DNAH6: variants seen among roughly 807,000 people sequenced by gnomAD.
DNAH6 encodes axonemal beta dynein heavy chain 6.
Under a neutral mutation model 491.4 loss-of-function variants are expected in DNAH6, and 340 were observed. The observed-to-expected ratio is 0.69, with a 90% CI of 0.63 to 0.76. The LOEUF is 0.76. Among genes scored for constraint, DNAH6 ranks in the 30% least tolerant of loss-of-function variants. DNAH6 has a pLI of 0.00. For missense variants in DNAH6, 4,443 were observed against 4,972.2 expected (o/e 0.89, Z 3.20); for synonymous variants, 1,603 against 1,686.1 (o/e 0.95, Z 1.21).
intron 65 of DNAH6, among the ~76,000 whole-genome samples, chr2:84,783,073 A>T (rs993148189): frequency 2.0e-5 from 3 of 152,192 alleles, no homozygotes; most frequent in African/African-American, 7.2e-5. Context: ...CTGATGTTTA[A>T]CTTGAACCAG....
In DNAH6 at chr2:84,607,009, A is replaced by G. The variant is rs532782813; in HGVS notation, c.3208A>G (p.Thr1070Ala). ...TGATGATAGCACCATCAATGTTGCA[A>G]CTCTTGCCTCATCACGTTACCTTGG... ...LLDDSTINVATLASSRYLGPL... is the reference protein window; with the variant it reads ...LLDDSTINVAALASSRYLGPL... The change falls in exon 21 of 77, where the codon ACT becomes GCT. Residue 1070 changes from threonine to alanine, a missense_variant. Coordinates refer to ENST00000389394, the MANE Select transcript of DNAH6 (RefSeq NM_001370.2). 2.7e-5 allele frequency: 42 copies of G among 1,551,196 alleles called. No homozygotes were observed. The highest frequency in any genetic ancestry group is 3.6e-5 in the Non-Finnish European group (41 of 1,146,786).
intron 33 of DNAH6, 58 bp downstream of exon 33, chr2:84,642,112 T>G: frequency 9.1e-7 from 1 of 1,096,536 alleles, no homozygotes; most frequent in Non-Finnish European, 1.3e-6. Context: ...CAAATGGTAG[T>G]CTTTTCTTCA....
intron 69 of DNAH6, 31 bp downstream of exon 69, chr2:84,796,456 C>A: frequency 2.0e-6 from 3 of 1,471,418 alleles, no homozygotes; most frequent in South Asian, 1.4e-5. Flanking sequence ...ACAGAAAAGG[C>A]CTTTCCCAAG....
chr2:84,720,721 G>A lies in DNAH6; in HGVS notation c.9793-1904G>A, dbSNP rs138822589. Among the ~76,000 whole-genome samples the A allele has an allele frequency of 2.9e-3, 440 of 152,026 alleles. 3 individuals are homozygous for A. Among genetic ancestry groups the A allele is most frequent in the African/African-American group, 0.01 (421 of 41,452 alleles). On this transcript the variant is annotated intron_variant, in intron 59 of 76. Transcript: ENST00000389394. ...CATTGCCACCCTTCTGTCTGCTTTC[G>A]AGCTCCCAAAATTCGTTGATATTTC... is the stretch of plus-strand genomic sequence containing the variant.
chr2:84,463,159 A>G, the DNAH6 span, among the ~76,000 whole-genome samples: 1 of 152,190 alleles, frequency 6.6e-6, no homozygotes, highest in Non-Finnish European at 1.5e-5. Context: ...GAGAACCACA[A>G]ATAATACCAT....
chr2:84,702,571 C>A (rs1217786898), intron 49 of DNAH6, among the ~76,000 whole-genome samples: 1 of 136,556 alleles, frequency 7.3e-6, no homozygotes, highest in African/African-American at 2.7e-5. Context: ...GAGATGGAGT[C>A]TCGCTCTGTC....
chr2:84,757,729 G>C (rs909624029), intron 63 of DNAH6, among the ~76,000 whole-genome samples: 1 of 152,196 alleles, frequency 6.6e-6, no homozygotes, highest in Non-Finnish European at 1.5e-5. Flanking sequence ...GAACCATTTA[G>C]CAATGATTGT....
At chr2:84,460,450 G>A in the DNAH6 span, among the ~76,000 whole-genome samples, 2 of 152,118 alleles carry the variant, frequency 1.3e-5, no homozygotes, top group Non-Finnish European at 2.9e-5. Context: ...ATTTTAAATA[G>A]CAAAATTATT....
intron 18 of DNAH6, among the ~76,000 whole-genome samples, chr2:84,598,131 C>CTTTCTT (rs1404659477): frequency 2.1e-5 from 1 of 48,722 alleles, no homozygotes; most frequent in African/African-American, 5.1e-5. Flanking sequence ...TCTTTCTTTT[C>CTTTCTT]TTTCTTTCTT....
At chr2:84,726,508 A>G (rs1238211333) in intron 60 of DNAH6, among the ~76,000 whole-genome samples, 2 of 152,178 alleles carry the variant, frequency 1.3e-5, no homozygotes, top group Non-Finnish European at 2.9e-5. Flanking sequence ...ACTGGAAACC[A>G]TCATTCTCAG....
At chr2:84,583,786 C>T (rs537082461) in intron 14 of DNAH6, among the ~76,000 whole-genome samples, 26 of 148,936 alleles carry the variant, frequency 1.7e-4, no homozygotes, top group Admixed American at 1.5e-3. Context: ...TGCCTTTAGC[C>T]GTGACTGTGA....
chr2:84,733,062 A>G (rs1036866026), intron 61 of DNAH6, among the ~76,000 whole-genome samples: 5 of 152,222 alleles, frequency 3.3e-5, no homozygotes, highest in South Asian at 2.1e-4. Context: ...AGCTTTCTGT[A>G]TCTTCTAGGG....
At chr2:84,761,125 TA>T (rs1314133661) in intron 63 of DNAH6, among the ~76,000 whole-genome samples, 1 of 152,208 alleles carries the variant, frequency 6.6e-6, no homozygotes, top group Non-Finnish European at 1.5e-5. Flanking sequence ...CACAGTTGAA[TA>T]CTATATTCGA....
chr2:84,694,234 C>A lies in DNAH6; in HGVS notation c.7293-15C>A. The A allele has an allele frequency of 6.5e-7, 1 of 1,548,746 alleles. No homozygotes were observed. Among genetic ancestry groups the A allele is most frequent in the Non-Finnish European group, 8.7e-7 (1 of 1,144,232 alleles). On this transcript the variant is annotated splice_polypyrimidine_tract_variant and intron_variant, in intron 45 of 76. Transcript: ENST00000389394. ...CTGTGAACTTGAAATAAACCCTCTG[C>A]TCTGATGTTTGCAGGATTGCTCGGA...
the DNAH6 span, among the ~76,000 whole-genome samples, chr2:84,498,492 C>T: frequency 1.1e-5 from 1 of 87,322 alleles, no homozygotes; most frequent in Non-Finnish European, 2.2e-5. Context: ...AGAATAGAAA[C>T]CTGCTCAAGT....
intron 10 of DNAH6, among the ~76,000 whole-genome samples, chr2:84,555,416 T>G (rs1205068598): frequency 6.6e-6 from 1 of 152,148 alleles, no homozygotes; most frequent in Non-Finnish European, 1.5e-5. Context: ...GCAACATTTT[T>G]TCCTTCTCAG....
Position 84,616,903 on chromosome 2 carries a change from CA to C in DNAH6, c.3497del (p.Asn1166ThrfsTer13). On this transcript the variant is annotated frameshift_variant, in exon 23 of 77. Coordinates refer to ENST00000389394, the MANE Select transcript of DNAH6 (RefSeq NM_001370.2). LOFTEE classifies it high-confidence loss of function. Reference protein sequence around the residue: ...ATQPGLLETFQNNNALLDQIQ... With the variant: ...ATQPGLLETFXNNNALLDQIQ... The stretch of plus-strand genomic sequence containing the variant: ...ATGAACAGGACTTCTGGAAACTTTT[CA>C]AAACAATAATGCATTACTTGACCAA... 6.8e-7 allele frequency: 1 copy of C among 1,475,918 alleles called. No individual in the cohort carries two copies. The highest frequency in any genetic ancestry group is 1.5e-5 in the South Asian group (1 of 67,238). 91.4% of individuals were successfully genotyped at this position (1,475,918 alleles called of 1,614,324 possible). A position where few individuals can be genotyped will look rare whatever the true frequency, so the allele number is the denominator to read the frequency against.
chr2:84,601,069 AG>A (rs1685197168), intron 18 of DNAH6, among the ~76,000 whole-genome samples: 22 of 149,188 alleles, frequency 1.5e-4, no homozygotes, highest in African/African-American at 4.4e-4. Flanking sequence ...TTATACTATA[AG>A]GAATCCTTGT....
chr2:84,654,872 T>C (rs546397493), intron 35 of DNAH6, 90 bp downstream of exon 35: 24 of 1,384,890 alleles, frequency 1.7e-5, no homozygotes, highest in East Asian at 1.5e-4. Flanking sequence ...TAAGGACTCA[T>C]GGTTCTTGAT....
Sources: gnomAD v4.1 joint callset for allele counts (sites outside exome capture counted in the v4.1 genomes callset) on GRCh38, gnomAD v4.1.1 for gene constraint, MANE v1.5 for transcripts, NCBI Gene and HGNC (gene_info 2026-07-23, HGNC 2026-07-21) for gene names.